VPS13A: variants seen among roughly 807,000 people sequenced by gnomAD.
VPS13A encodes vacuolar protein sorting 13 homolog A, also known as intermembrane lipid transfer protein VPS13A.
VPS13A carries 264 observed loss-of-function variants against 390.9 expected under a neutral mutation model. The ratio of observed to expected loss-of-function variants is 0.68; its 90% CI spans 0.61 to 0.75. The LOEUF (loss-of-function observed/expected upper bound fraction) is 0.75, where lower values mean the gene tolerates loss of function less well. VPS13A is among the 30% of genes least tolerant of loss of function. The pLI, the probability that VPS13A is intolerant of heterozygous loss-of-function variation, is 0.00. For synonymous variants in VPS13A, 1,231 were observed against 1,227.1 expected (o/e 1.00, Z -0.07); for missense variants, 3,409 against 3,733.9 (o/e 0.91, Z 2.27).
At chr9:77,266,157 C>A (rs1826023866) in intron 23 of VPS13A, among the ~76,000 whole-genome samples, 1 of 152,176 alleles carries the variant, frequency 6.6e-6, no homozygotes, top group Non-Finnish European at 1.5e-5. Context: ...GTCTGAGAGA[C>A]TGTTTGTTAT....
At chr9:77,234,502 G>A (rs1450880661) in intron 17 of VPS13A, among the ~76,000 whole-genome samples, 2 of 152,196 alleles carry the variant, frequency 1.3e-5, no homozygotes, top group Non-Finnish European at 2.9e-5. Context: ...CTTAGGCTAA[G>A]TATATTAAAT....
Position 77,205,428 on chromosome 9 carries a change from A to T in VPS13A, c.283+20A>T. The T allele has an allele frequency of 2.5e-6, 3 of 1,181,144 alleles. No homozygotes were observed. The highest frequency in any genetic ancestry group is 3.4e-6 in the Non-Finnish European group (3 of 879,514). 73.2% of individuals were successfully genotyped at this position (1,181,144 alleles called of 1,614,324 possible). A position where few individuals can be genotyped will look rare whatever the true frequency, so the allele number is the denominator to read the frequency against. On this transcript the variant is annotated intron_variant, in intron 4 of 71. Coordinates refer to ENST00000360280, the MANE Select transcript of VPS13A (RefSeq NM_033305.3). Reference sequence around the variant, plus strand: ...CTTCTAGTAAGTTAAATTTAAAAAAATTATAATTTAAGTTATTCTTTTTTA... The same window carrying T: ...CTTCTAGTAAGTTAAATTTAAAAAATTTATAATTTAAGTTATTCTTTTTTA...
intron 31 of VPS13A, among the ~76,000 whole-genome samples, chr9:77,292,960 A>T (rs764116485): frequency 1.3e-5 from 2 of 152,152 alleles, no homozygotes; most frequent in Non-Finnish European, 2.9e-5. Context: ...TAAGGTGTAG[A>T]TATACAGTGT....
Position 77,353,653 on chromosome 9 carries a change from T to A in VPS13A, c.7652+12T>A. 1 of 1,594,458 alleles carries A rather than the reference T, an allele frequency of 6.3e-7. No homozygotes were observed. Among genetic ancestry groups the A allele is most frequent in the South Asian group, 1.1e-5 (1 of 90,502 alleles). On this transcript the variant is annotated intron_variant, in intron 54 of 71. Coordinates refer to ENST00000360280, the MANE Select transcript of VPS13A (RefSeq NM_033305.3). The stretch of plus-strand genomic sequence containing the variant: ...ATAGGCATTACAAGGTTAGATGCAT[T>A]AAATTTTGGATACATTTAAATGATC...
At chr9:77,375,778 A>G (rs1833034643) in intron 67 of VPS13A, among the ~76,000 whole-genome samples, 1 of 152,220 alleles carries the variant, frequency 6.6e-6, no homozygotes, top group South Asian at 2.1e-4. Flanking sequence ...AAACATAAAT[A>G]ATTATTCAGC....
At chr9:77,275,438 G>T in intron 24 of VPS13A, 60 bp from the exon 25 acceptor site, 1 of 1,507,244 alleles carries the variant, frequency 6.6e-7, no homozygotes, top group South Asian at 1.1e-5. Flanking sequence ...TATTTCTATT[G>T]AAATACTGTT....
In VPS13A at chr9:77,370,462, G is replaced by C. The variant is rs147160108; in HGVS notation, c.8791G>C (p.Gly2931Arg). The change falls in exon 65 of 72, where the codon GGG (glycine) becomes CGG (arginine). Residue 2931 changes from glycine (G) to arginine (R), a missense_variant. This residue lies in a region of VPS13A where 318 missense variants were observed against 333.7 expected (regional missense o/e 0.95). Transcript: ENST00000360280. The part of the protein sequence containing the change: ...ASKITGAMAK[G>R]VAAMTMDEDY... Reference sequence around the variant, plus strand: ...CAAAATCACCGGTGCTATGGCTAAGGGGGTAGCAGCTATGACCATGGATGA... The same window carrying C: ...CAAAATCACCGGTGCTATGGCTAAGCGGGTAGCAGCTATGACCATGGATGA... 36 of 1,614,000 alleles carry C rather than the reference G, an allele frequency of 2.2e-5. No individual in the cohort carries two copies. The highest frequency in any genetic ancestry group is 5.3e-5 in the African/African-American group (4 of 74,908).
chr9:77,250,533 A>G (rs1825096134), intron 21 of VPS13A, among the ~76,000 whole-genome samples: 1 of 152,170 alleles, frequency 6.6e-6, no homozygotes, highest in Non-Finnish European at 1.5e-5. Context: ...GTCCCTCATA[A>G]TAAATATCAG....
chr9:77,353,747 CTATT>C, intron 54 of VPS13A, 106 bp downstream of exon 54: 1 of 1,143,422 alleles, frequency 8.7e-7, no homozygotes, highest in Non-Finnish European at 1.3e-6. Context: ...TGTGCTTTGA[CTATT>C]CATTGATACT....
intron 67 of VPS13A, among the ~76,000 whole-genome samples, chr9:77,376,276 C>T (rs980087612): frequency 2.6e-5 from 4 of 152,088 alleles, no homozygotes; most frequent in Non-Finnish European, 5.9e-5. Flanking sequence ...AATCACATCT[C>T]GTAGAACTCG....
At position 77,238,273 on chromosome 9, in the gene VPS13A, G is replaced by C. The variant is rs763577568; in HGVS notation, c.1787G>C (p.Arg596Thr). The change falls in exon 19 of 72, where the codon AGG becomes ACG. Residue 596 changes from arginine to threonine, a missense_variant and splice_region_variant. Physicochemically the swap from Arg to Thr is moderately conservative, Grantham distance 71. Transcript: ENST00000360280. ...TGTTAATGATGTTTATTTTAACAGA[G>C]GACAGTGAATAGTATAGTGGAATTC... is the stretch of plus-strand genomic sequence containing the variant. Reference protein sequence around the residue: ...AEPLEIIYDARTVNSIVEFFR... With the variant: ...AEPLEIIYDATTVNSIVEFFR... The C allele has an allele frequency of 1.8e-5, 29 of 1,612,896 alleles. No homozygotes were observed. In the South Asian group the frequency reaches 3.2e-4, roughly 18 times the overall value.
Position 77,353,598 on chromosome 9 carries a change from A to G in VPS13A, c.7609A>G (p.Asn2537Asp). Residue 2537 changes from asparagine (N) to aspartate (D), a missense_variant, in exon 54 of 72, where the codon AAC becomes GAC. Transcript: ENST00000360280. ...ALQDVGISLV[N>D]NYTKQEVAYI... Reference sequence around the variant, plus strand: ...ACAAGATGTTGGAATTTCTCTTGTCAACAATTACACGAAGCAAGAAGTAGC... The same window carrying G: ...ACAAGATGTTGGAATTTCTCTTGTCGACAATTACACGAAGCAAGAAGTAGC... 6.2e-7 allele frequency: 1 copy of G among 1,613,512 alleles called. No homozygotes were observed. The highest frequency in any genetic ancestry group is 8.5e-7 in the Non-Finnish European group (1 of 1,179,586).
chr9:77,222,474 AAAC>A (rs1390166574), intron 13 of VPS13A, among the ~76,000 whole-genome samples: 6 of 152,192 alleles, frequency 3.9e-5, no homozygotes, highest in Admixed American at 3.9e-4. Flanking sequence ...TAAGTATTAA[AAAC>A]AAGTTTTAAG....
chr9:77,238,035 T>C lies in VPS13A; in HGVS notation c.1629T>C (p.Thr543=). ...FETKIDSFHI[T]GLPDNSEKPR... ...CTAAAATAGATTCATTTCATATTAC[T>C]GGCTTACCAGATAATTCAGAAAAAC... Residue 543 remains threonine, a synonymous_variant, in exon 18 of 72, where the codon ACT becomes ACC. Transcript: ENST00000360280. 6.2e-7 allele frequency: 1 copy of C among 1,612,982 alleles called. No homozygotes were observed.
In VPS13A at chr9:77,256,167, C is replaced by T. The variant is rs933403319; in HGVS notation, c.2288+3815C>T. Among the ~76,000 whole-genome samples the T allele has an allele frequency of 3.9e-5, 6 of 151,954 alleles. No individual in the cohort carries two copies. In the South Asian group the frequency reaches 8.3e-4, roughly 21 times the overall value. ...CGCTTTTGGCAGACTTTTGCTGCAT[C>T]CTATGAATTTTGGTATGTTGTATTT... On this transcript the variant is annotated intron_variant, in intron 22 of 71. Transcript: ENST00000360280.
intron 1 of VPS13A, 107 bp from the exon 2 acceptor site, chr9:77,199,838 C>T (rs1187315878): frequency 2.3e-6 from 2 of 860,166 alleles, no homozygotes; most frequent in African/African-American, 3.5e-5. Flanking sequence ...CTGTTATGCA[C>T]ATTATTTATA....
In VPS13A at chr9:77,405,977, T is replaced by C. The variant is rs1366698463; in HGVS notation, c.9389T>C (p.Ile3130Thr). ...PFIVHGRRLR[I>T]EAKERVKSVF... The stretch of plus-strand genomic sequence containing the variant: ...ATTGTTCATGGGAGAAGATTGCGCA[T>C]TGAAGCAAAGGTATGTTGAATAGAT... The change falls in exon 70 of 72, where the codon ATT (isoleucine) becomes ACT (threonine). Residue 3130 changes from isoleucine (I) to threonine (T), a missense_variant. Physicochemically the swap from Ile to Thr is moderately conservative, Grantham distance 89 (BLOSUM62 -1). This residue lies in a region of VPS13A where 318 missense variants were observed against 333.7 expected (regional missense o/e 0.95). Transcript: ENST00000360280. 5.6e-6 allele frequency: 9 copies of C among 1,613,824 alleles called. No individual in the cohort carries two copies. Among genetic ancestry groups the C allele is most frequent in the South Asian group, 2.2e-5 (2 of 91,086 alleles).
In VPS13A at chr9:77,405,440, C is replaced by A. The variant is rs78610028; in HGVS notation, c.9276-424C>A. Among the ~76,000 whole-genome samples, 823 of 152,298 alleles carry A rather than the reference C, an allele frequency of 5.4e-3. 7 individuals carry two copies. The highest frequency in any genetic ancestry group is 0.014 in the Middle Eastern group (4 of 294). ...ACCCTGTTTCTTATGAAGTGCCTTA[C>A]ATATTTGATTTTGTAAGAAGTGCTT... On this transcript the variant is annotated intron_variant, in intron 69 of 71. Transcript: ENST00000360280.
chr9:77,210,761 G>A, intron 7 of VPS13A, 86 bp downstream of exon 7: 1 of 1,353,224 alleles, frequency 7.4e-7, no homozygotes, highest in Non-Finnish European at 1.1e-6. Context: ...GCCAGCATCA[G>A]AAATAGGTGT....
Sources: gnomAD v4.1 joint callset for allele counts (sites outside exome capture counted in the v4.1 genomes callset) on GRCh38, gnomAD v4.1.1 for gene constraint, gnomAD v4.1.1 regional missense constraint, MANE v1.5 for transcripts, NCBI Gene and HGNC (gene_info 2026-07-23, HGNC 2026-07-21) for gene names.